PRKCE: variants seen among roughly 807,000 people sequenced by gnomAD.
PRKCE encodes the protein protein kinase C epsilon.
PRKCE carries 16 observed loss-of-function variants against 85.4 expected under a neutral mutation model. The observed-to-expected ratio is 0.19, with a 90% CI of 0.13 to 0.28. PRKCE has a LOEUF of 0.28. Among genes scored for constraint, PRKCE ranks in the 10% least tolerant of loss-of-function variants. The pLI is 1.00. For synonymous variants in PRKCE, 388 were observed against 371.5 expected (o/e 1.04, Z -0.51); for missense variants, 573 against 975.2 (o/e 0.59, Z 5.49).
At position 45,895,142 on chromosome 2, in the gene PRKCE, G is replaced by A. The variant is rs979323447; in HGVS notation, c.412+52079G>A. Among the ~76,000 whole-genome samples, 5 of 152,190 alleles carry A rather than the reference G, an allele frequency of 3.3e-5. No individual in the cohort carries two copies. The highest frequency in any genetic ancestry group is 6.5e-5 in the Admixed American group (1 of 15,278). On this transcript the variant is annotated intron_variant, in intron 2 of 14. Coordinates refer to ENST00000306156, the MANE Select transcript of PRKCE (RefSeq NM_005400.3). This position sits in a 1 kb window ranked among gnomAD's most constrained non-coding sequence, Gnocchi z 4.8. The stretch of plus-strand genomic sequence containing the variant: ...CACGTGGTAGGGAGAATGAAAAGGC[G>A]CCCAGGTGTCTCTTGAGAAAGGAAG...
intron 2 of PRKCE, among the ~76,000 whole-genome samples, chr2:45,934,205 G>C (rs1364362965): frequency 3.3e-5 from 5 of 152,164 alleles, no homozygotes; most frequent in African/African-American, 1.2e-4. Flanking sequence ...CCCACCAGTA[G>C]TTGTGTGTTT....
At chr2:45,739,721 G>T (rs552679442) in intron 1 of PRKCE, among the ~76,000 whole-genome samples, 3 of 152,216 alleles carry the variant, frequency 2.0e-5, no homozygotes, top group Non-Finnish European at 2.9e-5. Context: ...GTACAAAGGG[G>T]CCCAGGGAAT....
intron 2 of PRKCE, among the ~76,000 whole-genome samples, chr2:45,903,915 G>GTTTTT (rs57203202): frequency 3.9e-4 from 37 of 93,690 alleles, no homozygotes; most frequent in Admixed American, 2.9e-3. Flanking sequence ...TTGTTTGTTT[G>GTTTTT]TTTTTTTTGG....
intron 1 of PRKCE, among the ~76,000 whole-genome samples, chr2:45,779,675 C>T (rs935024964): frequency 6.6e-6 from 1 of 150,480 alleles, no homozygotes; most frequent in African/African-American, 2.4e-5. Flanking sequence ...AATAGTTAAA[C>T]GTTTGGGGTA....
At chr2:45,928,925 C>T (rs1162996686) in intron 2 of PRKCE, among the ~76,000 whole-genome samples, 2 of 152,196 alleles carry the variant, frequency 1.3e-5, no homozygotes, top group East Asian at 3.8e-4. Flanking sequence ...CCTCTGTCAG[C>T]GCTGAGGTCC....
At chr2:45,672,580 T>C (rs568444086) in intron 1 of PRKCE, among the ~76,000 whole-genome samples, 1 of 152,362 alleles carries the variant, frequency 6.6e-6, no homozygotes, top group African/African-American at 2.4e-5. Flanking sequence ...TCATTATTAT[T>C]TTCAATTTGC....
Position 45,957,044 on chromosome 2 carries a change from A to G in PRKCE, c.413-19385A>G, listed in dbSNP as rs140004622. On this transcript the variant is annotated intron_variant, in intron 2 of 14. Coordinates refer to ENST00000306156, the MANE Select transcript of PRKCE (RefSeq NM_005400.3). ...TCTTTACATATTCTACATGTGTTTT[A>G]CCAGATGTGTGATTTGCAAATATTT... Among the ~76,000 whole-genome samples the G allele has an allele frequency of 1.5e-3, 229 of 152,276 alleles. 1 individual carries two copies. The highest frequency in any genetic ancestry group is 5.0e-3 in the African/African-American group (207 of 41,556).
chr2:46,033,562 C>T (rs541668282), intron 10 of PRKCE, among the ~76,000 whole-genome samples: 11 of 152,276 alleles, frequency 7.2e-5, no homozygotes, highest in Non-Finnish European at 1.5e-4. Context: ...TTATTGGCCA[C>T]GCTTTGAGAA....
At chr2:46,137,139 C>G (rs1203386489) in intron 11 of PRKCE, among the ~76,000 whole-genome samples, 1 of 152,162 alleles carries the variant, frequency 6.6e-6, no homozygotes, top group Non-Finnish European at 1.5e-5. Flanking sequence ...ATCATTCCAT[C>G]CTGGCAATCC....
intron 10 of PRKCE, among the ~76,000 whole-genome samples, chr2:46,011,687 A>G (rs1300712742): frequency 1.3e-5 from 2 of 152,186 alleles, no homozygotes; most frequent in Non-Finnish European, 2.9e-5. Flanking sequence ...ATCCTTGAGG[A>G]GACCTGCAAT....
chr2:45,769,247 A>C, intron 1 of PRKCE, among the ~76,000 whole-genome samples: 1 of 152,172 alleles, frequency 6.6e-6, no homozygotes, highest in East Asian at 1.9e-4. Flanking sequence ...CGCCCACCTT[A>C]TGCCTTCAAA....
chr2:45,658,486 C>T (rs1163647135), intron 1 of PRKCE, among the ~76,000 whole-genome samples: 3 of 152,210 alleles, frequency 2.0e-5, no homozygotes, highest in Admixed American at 6.5e-5. Flanking sequence ...CAATGGACCG[C>T]TCTCCCTGGA....
chr2:46,004,589 A>G lies in PRKCE; in HGVS notation c.1014A>G (p.Pro338=), dbSNP rs753356275. The G allele has an allele frequency of 3.1e-6, 5 of 1,592,238 alleles. No individual in the cohort carries two copies. Among genetic ancestry groups the G allele is most frequent in the Non-Finnish European group, 4.2e-6 (5 of 1,176,614 alleles). ...CGCAGCCTGCTTCTGGAAGCTCACC[A>G]TCTGAGGAAGATCGATCCAAGTCAG... ...ESPQPASGSS[P]SEEDRSKSAP... is the part of the protein sequence containing the mutation. Residue 338 remains proline, a synonymous_variant, in exon 8 of 15, where the codon CCA becomes CCG. Transcript: ENST00000306156. This position sits in a 1 kb window ranked among gnomAD's most constrained non-coding sequence, Gnocchi z 4.1.
In PRKCE at chr2:46,186,757, C is replaced by T. The variant is rs934333230; in HGVS notation, c.*1876C>T. On this transcript the variant is annotated 3_prime_UTR_variant, in exon 15 of 15. Transcript: ENST00000306156. ...GGTGGTTTCAAAGCTCGGACAGTAA[C>T]TATCTTGAGCCCATTAGAGAGTCTG... 4 of 152,608 alleles carry T rather than the reference C, an allele frequency of 2.6e-5. No individual in the cohort carries two copies. The highest frequency in any genetic ancestry group is 2.6e-4 in the Admixed American group (4 of 15,282). The allele number at this position is 152,608 out of a possible 1,614,324, so 9.5% of individuals were successfully genotyped here.
intron 1 of PRKCE, among the ~76,000 whole-genome samples, chr2:45,722,741 A>G (rs1031254593): frequency 2.0e-5 from 3 of 152,202 alleles, no homozygotes; most frequent in African/African-American, 7.2e-5. Context: ...CACCTTGTAT[A>G]TGTAACAAAA....
chr2:45,864,223 G>A (rs899774073), intron 2 of PRKCE, among the ~76,000 whole-genome samples: 1 of 152,160 alleles, frequency 6.6e-6, no homozygotes, highest in Non-Finnish European at 1.5e-5. Context: ...GGCCTAGGGG[G>A]CCTCAATCTT....
intron 10 of PRKCE, among the ~76,000 whole-genome samples, chr2:46,055,647 T>C (rs73926176): frequency 0.028 from 4,331 of 152,184 alleles, 92 homozygotes; most frequent in African/African-American, 0.058. Flanking sequence ...ATCTGCCCTT[T>C]GGAAAAATGC....
At chr2:46,176,252 GC>G (rs1177150009) in intron 14 of PRKCE, among the ~76,000 whole-genome samples, 1 of 152,110 alleles carries the variant, frequency 6.6e-6, no homozygotes, top group East Asian at 1.9e-4. Context: ...ATTATTCCAT[GC>G]CCAGACCAGA....
chr2:45,890,947 CAGAA>C (rs1218752896), intron 2 of PRKCE, among the ~76,000 whole-genome samples: 1 of 152,128 alleles, frequency 6.6e-6, no homozygotes, highest in Non-Finnish European at 1.5e-5. Flanking sequence ...TGTTGGCTAA[CAGAA>C]AGGAACATAA....
Sources: allele counts gnomAD v4.1 joint callset (sites outside exome capture counted in the v4.1 genomes callset), GRCh38; gene constraint gnomAD v4.1.1; non-coding constraint Gnocchi (gnomAD v3.1); transcripts MANE v1.5; gene names NCBI Gene and HGNC (gene_info 2026-07-23, HGNC 2026-07-21).